TET1: variants seen among roughly 807,000 people sequenced by gnomAD.
TET1 encodes the protein methylcytosine dioxygenase TET1.
Under a neutral mutation model 148.7 loss-of-function variants are expected in TET1, and 13 were observed. The ratio of observed to expected loss-of-function variants is 0.09; its 90% CI spans 0.06 to 0.14. The LOEUF is 0.14. Among genes scored for constraint, TET1 ranks in the 10% least tolerant of loss-of-function variants. The pLI is 1.00. For missense variants in TET1, 2,182 were observed against 2,553.8 expected (o/e 0.85, Z 3.14); for synonymous variants, 907 against 937.2 (o/e 0.97, Z 0.59).
intron 8 of TET1, among the ~76,000 whole-genome samples, chr10:68,679,224 G>A (rs893663851): frequency 1.3e-5 from 2 of 151,992 alleles, no homozygotes; most frequent in African/African-American, 4.8e-5. Flanking sequence ...TACCAACAGT[G>A]AACTGTACAA....
At chr10:68,572,030 T>C (rs1480686883) in intron 1 of TET1, among the ~76,000 whole-genome samples, 187 bp from the exon 2 acceptor site, 4 of 152,116 alleles carry the variant, frequency 2.6e-5, no homozygotes, top group African/African-American at 7.2e-5. Context: ...AGTGGGAAGA[T>C]TGCTTGAGCC....
intron 8 of TET1, among the ~76,000 whole-genome samples, chr10:68,673,935 C>CTTTTTTTTTTTTTTTTTTT (rs11381293): frequency 4.2e-5 from 5 of 120,274 alleles, no homozygotes; most frequent in African/African-American, 6.2e-5. Flanking sequence ...CTTTCTTTTT[C>CTTTTTTTTTTTTTTTTTTT]TTTTTTTTTT....
At position 68,692,741 on chromosome 10, in the gene TET1, T is replaced by TAA. The variant is rs2133255378; in HGVS notation, c.*928_*929dup. 1 of 230,906 alleles carries TAA rather than the reference T, an allele frequency of 4.3e-6. No homozygotes were observed. The highest frequency in any genetic ancestry group is 2.2e-5 in the African/African-American group (1 of 45,352). 14.3% of individuals were successfully genotyped at this position (230,906 alleles called of 1,614,324 possible). The stretch of plus-strand genomic sequence containing the variant: ...GATTAACATTCTCTTTGGAACTAGG[T>TAA]AAGAGTGGTCTCTTCTTATTGAACA... On this transcript the variant is annotated 3_prime_UTR_variant, in exon 12 of 12. Transcript: ENST00000373644.
intron 1 of TET1, among the ~76,000 whole-genome samples, chr10:68,561,216 T>C (rs932658305): frequency 1.3e-5 from 2 of 152,100 alleles, no homozygotes; most frequent in African/African-American, 4.8e-5. Context: ...GTCCGGGCTG[T>C]CCCGTGCTCA....
At chr10:68,578,373 C>A (rs879919674) in intron 2 of TET1, among the ~76,000 whole-genome samples, 1 of 152,068 alleles carries the variant, frequency 6.6e-6, no homozygotes, top group Admixed American at 6.6e-5. Context: ...ATTCTCCTGC[C>A]TCAGCCTGCC....
intron 2 of TET1, among the ~76,000 whole-genome samples, chr10:68,595,294 G>T (rs1411174127): frequency 1.3e-5 from 2 of 152,022 alleles, no homozygotes; most frequent in African/African-American, 4.8e-5. Flanking sequence ...ATGGTACTTG[G>T]AATATCTTTA....
At chr10:68,601,269 G>A (rs1206900007) in intron 3 of TET1, among the ~76,000 whole-genome samples, 1 of 152,126 alleles carries the variant, frequency 6.6e-6, no homozygotes, top group Non-Finnish European at 1.5e-5. Flanking sequence ...AGAAAAGTTT[G>A]TATGCAGAGT....
intron 1 of TET1, among the ~76,000 whole-genome samples, chr10:68,561,793 T>C (rs1292832210): frequency 1.3e-5 from 2 of 148,498 alleles, no homozygotes; most frequent in Admixed American, 6.9e-5. Context: ...TGGAAGGGAC[T>C]GGCCGACGCT....
At chr10:68,588,141 C>T (rs1321435685) in intron 2 of TET1, among the ~76,000 whole-genome samples, 3 of 152,250 alleles carry the variant, frequency 2.0e-5, no homozygotes, top group East Asian at 3.9e-4. Flanking sequence ...AGATTACAGG[C>T]GTCGGCCACC....
intron 3 of TET1, among the ~76,000 whole-genome samples, chr10:68,642,279 T>C (rs1046341872): frequency 6.6e-6 from 1 of 151,708 alleles, no homozygotes; most frequent in Non-Finnish European, 1.5e-5. Flanking sequence ...ATAGGAAAAA[T>C]ATAAATTAAC....
chr10:68,634,703 T>C (rs1022094506), intron 3 of TET1, among the ~76,000 whole-genome samples: 8 of 152,214 alleles, frequency 5.3e-5, no homozygotes, highest in African/African-American at 1.4e-4. Context: ...CTGTTCATAA[T>C]GATACCTGGC....
intron 2 of TET1, among the ~76,000 whole-genome samples, chr10:68,587,026 G>A (rs2053869337): frequency 6.6e-6 from 1 of 152,130 alleles, no homozygotes; most frequent in South Asian, 2.1e-4. Flanking sequence ...ATCTGCAAAA[G>A]CATTTTTCCT....
intron 3 of TET1, among the ~76,000 whole-genome samples, chr10:68,614,029 A>G (rs2054255255): frequency 1.3e-5 from 2 of 152,206 alleles, no homozygotes; most frequent in South Asian, 2.1e-4. Flanking sequence ...AGCTATTTCA[A>G]TGTTAATTTT....
chr10:68,645,067 G>C lies in TET1; in HGVS notation c.2338G>C (p.Glu780Gln), dbSNP rs750068661. The part of the protein sequence containing the change: ...TNVSFKKFNI[E>Q]EFGKTLENNS... ...TGTTTCATTTAAAAAATTCAATATT[G>C]AAGAATTCGGCAAGACATTGGAAAA... Residue 780 changes from glutamate (E) to glutamine (Q), a missense_variant, in exon 4 of 12, where the codon GAA becomes CAA. Glu to Gln is a conservative substitution (Grantham distance 29). Coordinates refer to ENST00000373644, the MANE Select transcript of TET1 (RefSeq NM_030625.3). The C allele has an allele frequency of 1.9e-6, 3 of 1,612,240 alleles. No individual in the cohort carries two copies. In the African/African-American group the frequency reaches 4.0e-5, roughly 22 times the overall value.
chr10:68,644,194 C>T (rs2054804437), intron 3 of TET1, among the ~76,000 whole-genome samples: 1 of 149,934 alleles, frequency 6.7e-6, no homozygotes, highest in Non-Finnish European at 1.5e-5. Context: ...TGAGCCACCA[C>T]CCCTGGCCTT....
chr10:68,604,179 G>T (rs904193334), intron 3 of TET1, among the ~76,000 whole-genome samples: 3 of 152,170 alleles, frequency 2.0e-5, no homozygotes, highest in Admixed American at 6.5e-5. Context: ...AAACATTTGT[G>T]TAAATAACTT....
chr10:68,573,809 G>A lies in TET1; in HGVS notation c.1471G>A (p.Val491Ile). Reference protein sequence around the residue: ...SNSEKNSLPPVMAISNVENEK... With the variant: ...SNSEKNSLPPIMAISNVENEK... ...CTCAGAGAAAAATTCATTACCTCCA[G>A]TAATGGCTATAAGCAATGTAGAAAA... The change falls in exon 2 of 12, where the codon GTA (valine) becomes ATA (isoleucine). Residue 491 changes from valine to isoleucine, a missense_variant. Around this residue, in one of 11 missense-constraint regions of TET1, gnomAD observed 665 missense variants for 672.4 expected, o/e 0.99. Coordinates refer to ENST00000373644, the MANE Select transcript of TET1 (RefSeq NM_030625.3). 6 of 1,614,014 alleles carry A rather than the reference G, an allele frequency of 3.7e-6. No individual in the cohort carries two copies. Among genetic ancestry groups the A allele is most frequent in the Non-Finnish European group, 5.1e-6 (6 of 1,180,040 alleles).
At chr10:68,581,516 A>G (rs1166184573) in intron 2 of TET1, among the ~76,000 whole-genome samples, 1 of 152,182 alleles carries the variant, frequency 6.6e-6, no homozygotes, top group Non-Finnish European at 1.5e-5. Flanking sequence ...CTACACTTTC[A>G]CAAGTAATTT....
intron 2 of TET1, among the ~76,000 whole-genome samples, chr10:68,587,597 A>G (rs1268139545): frequency 6.6e-6 from 1 of 152,216 alleles, no homozygotes; most frequent in Non-Finnish European, 1.5e-5. Flanking sequence ...TTTTTAAAGA[A>G]CCAATAACCT....
Sources: gnomAD v4.1 joint callset for allele counts (sites outside exome capture counted in the v4.1 genomes callset) on GRCh38, gnomAD v4.1.1 for gene constraint, gnomAD v4.1.1 regional missense constraint, MANE v1.5 for transcripts, NCBI Gene and HGNC (gene_info 2026-07-23, HGNC 2026-07-21) for gene names.